The following ZC3HAV1 variants were observed in gnomAD, a reference collection of about 807,000 sequenced individuals.
ZC3HAV1 encodes the protein zinc finger CCCH-type antiviral protein 1.
Under a neutral mutation model 86.6 loss-of-function variants are expected in ZC3HAV1, and 41 were observed. The ratio of observed to expected loss-of-function variants is 0.47; its 90% CI spans 0.37 to 0.61. ZC3HAV1 has a LOEUF of 0.61. ZC3HAV1 is among the 20% of genes least tolerant of loss of function. ZC3HAV1 has a pLI of 0.00. For synonymous variants in ZC3HAV1, 421 were observed against 432.1 expected (o/e 0.97, Z 0.32); for missense variants, 964 against 1,141.1 (o/e 0.84, Z 2.24).
chr7:139,052,638 T>C (rs1306547916), intron 12 of ZC3HAV1, among the ~76,000 whole-genome samples: 2 of 143,262 alleles, frequency 1.4e-5, no homozygotes, highest in East Asian at 2.1e-4. Context: ...AAGAGTTGCA[T>C]GCATCCAGGA....
chr7:139,066,520 C>T (rs992072881), intron 7 of ZC3HAV1, among the ~76,000 whole-genome samples: 1 of 152,166 alleles, frequency 6.6e-6, no homozygotes, highest in Non-Finnish European at 1.5e-5. Flanking sequence ...GGGACAAGGA[C>T]GCTGACTTTA....
chr7:139,061,219 AT>A, intron 8 of ZC3HAV1, 81 bp from the exon 9 acceptor site: 1 of 1,351,962 alleles, frequency 7.4e-7, no homozygotes, highest in Non-Finnish European at 1.0e-6. Flanking sequence ...TGCAGAGGCT[AT>A]TTACACGGCA....
chr7:139,077,969 T>A (rs1327634154), intron 5 of ZC3HAV1, among the ~76,000 whole-genome samples: 1 of 152,206 alleles, frequency 6.6e-6, no homozygotes, highest in Non-Finnish European at 1.5e-5. Context: ...CTGGGCACAG[T>A]GGCTCATGCC....
chr7:139,060,299 TC>T (rs891167086), intron 9 of ZC3HAV1: 1 of 985,396 alleles, frequency 1.0e-6, no homozygotes, highest in African/African-American at 1.7e-5. Context: ...TTTTATGTAA[TC>T]ACACATCACC....
intron 3 of ZC3HAV1, among the ~76,000 whole-genome samples, chr7:139,083,468 C>T (rs1817185010): frequency 6.6e-6 from 1 of 152,078 alleles, no homozygotes; most frequent in Non-Finnish European, 1.5e-5. Flanking sequence ...GTGGCTCATG[C>T]TTGTAATCCC....
chr7:139,099,358 T>G (rs1817688805), intron 1 of ZC3HAV1, among the ~76,000 whole-genome samples: 1 of 152,212 alleles, frequency 6.6e-6, no homozygotes, highest in African/African-American at 2.4e-5. Context: ...AGATTTCTCC[T>G]AGATGAATAC....
rs1584829671 is a variant in ZC3HAV1, at chr7:139,044,799, A to T, written c.*2795T>A. 2.3e-5 allele frequency: 1 copy of T among 42,818 alleles called. No homozygotes were observed. Among genetic ancestry groups the T allele is most frequent in the Admixed American group, 1.6e-4 (1 of 6,234 alleles). 2.7% of individuals were successfully genotyped at this position (42,818 alleles called of 1,614,324 possible). On this transcript the variant is annotated 3_prime_UTR_variant, in exon 13 of 13. Coordinates refer to ENST00000242351, the MANE Select transcript of ZC3HAV1 (RefSeq NM_020119.4). ...TATGACCTATAGCTCGTCTGCAAGA[A>T]TATATCCTCATTTTCTCCACTTCGA... is the stretch of plus-strand genomic sequence containing the variant.
chr7:139,066,630 A>C (rs1355029690), intron 7 of ZC3HAV1, among the ~76,000 whole-genome samples: 2 of 152,208 alleles, frequency 1.3e-5, no homozygotes, highest in Non-Finnish European at 2.9e-5. Context: ...TGATTGTAAA[A>C]GAGCTTGCTG....
chr7:139,090,273 A>G lies in ZC3HAV1; in HGVS notation c.309-514T>C, dbSNP rs542867133. Among the ~76,000 whole-genome samples, 149 of 152,154 alleles carry G rather than the reference A, an allele frequency of 9.8e-4. 2 individuals carry two copies. Among genetic ancestry groups the G allele is most frequent in the Non-Finnish European group, 6.6e-4 (45 of 68,022 alleles). ...AATATTAACAGTAATTTTTCATATCATTGGCTTACACCTTTTCAAAAAACT... is the reference window on the plus strand; with the variant it reads ...AATATTAACAGTAATTTTTCATATCGTTGGCTTACACCTTTTCAAAAAACT... On this transcript the variant is annotated intron_variant, in intron 1 of 12. Coordinates refer to ENST00000242351, the MANE Select transcript of ZC3HAV1 (RefSeq NM_020119.4).
intron 7 of ZC3HAV1, among the ~76,000 whole-genome samples, chr7:139,066,394 A>G (rs139812577): frequency 6.6e-6 from 1 of 152,278 alleles, no homozygotes; most frequent in African/African-American, 2.4e-5. Flanking sequence ...GGGTCTCTTT[A>G]TCCTGGAGTG....
At chr7:139,080,314 C>G in intron 3 of ZC3HAV1, 71 bp from the exon 4 acceptor site, 1 of 1,560,656 alleles carries the variant, frequency 6.4e-7, no homozygotes, top group Non-Finnish European at 8.8e-7. Context: ...GTTCCTACCA[C>G]CCTTCCTCCT....
intron 1 of ZC3HAV1, among the ~76,000 whole-genome samples, chr7:139,100,096 C>G (rs895021823): frequency 1.3e-5 from 2 of 151,572 alleles, no homozygotes; most frequent in Non-Finnish European, 2.9e-5. Context: ...AAAACTGTTA[C>G]AAACAAAAAT....
At chr7:139,065,326 T>C (rs529446861) in intron 7 of ZC3HAV1, among the ~76,000 whole-genome samples, 2 of 152,240 alleles carry the variant, frequency 1.3e-5, no homozygotes, top group African/African-American at 4.8e-5. Context: ...TCTTTTCTGA[T>C]GCCACGCCGG....
At position 139,108,654 on chromosome 7, in the gene ZC3HAV1, C is replaced by T. The variant is rs1260729329; in HGVS notation, c.308+370G>A. On this transcript the variant is annotated intron_variant, in intron 1 of 12. Coordinates refer to ENST00000242351, the MANE Select transcript of ZC3HAV1 (RefSeq NM_020119.4). The surrounding 1 kb of genome is among the most constrained non-coding windows in gnomAD (Gnocchi z 4.2). ...GACTCAAGATACCAAAGACGGGAGG[C>T]TCTTTCCTTCCTTCCCAAACCTGCC... is the stretch of plus-strand genomic sequence containing the variant. Among the ~76,000 whole-genome samples the T allele has an allele frequency of 2.0e-5, 3 of 152,172 alleles. No homozygotes were observed. The highest frequency in any genetic ancestry group is 6.5e-5 in the Admixed American group (1 of 15,288).
chr7:139,083,412 T>C (rs1417180896), intron 3 of ZC3HAV1, among the ~76,000 whole-genome samples: 2 of 152,184 alleles, frequency 1.3e-5, no homozygotes, highest in Non-Finnish European at 2.9e-5. Context: ...TTTTCTTTCC[T>C]TGTGATTTCT....
intron 9 of ZC3HAV1, among the ~76,000 whole-genome samples, chr7:139,059,397 A>G (rs1244899836): frequency 6.6e-6 from 1 of 152,254 alleles, no homozygotes; most frequent in East Asian, 1.9e-4. Context: ...CAGGTGGATC[A>G]CCTGAGGTCA....
rs1407598279 is a variant in ZC3HAV1 at position 139,074,020 on chromosome 7, C to T, written c.1708G>A (p.Gly570Arg). The T allele has an allele frequency of 6.2e-7, 1 of 1,611,934 alleles. No homozygotes were observed. The highest frequency in any genetic ancestry group is 1.7e-5 in the Admixed American group (1 of 59,910). ...ACCCGAAAATTGATTGTATAACTTC[C>T]TACAGAACAGCTGAGAGAGAAAAGT... Reference protein sequence around the residue: ...CNPGIHLCSVGSYTINFRVMS... With the variant: ...CNPGIHLCSVRSYTINFRVMS... The change falls in exon 7 of 13, where the codon GGA becomes AGA. Residue 570 changes from glycine to arginine, a missense_variant. Coordinates refer to ENST00000242351, the MANE Select transcript of ZC3HAV1 (RefSeq NM_020119.4).
chr7:139,089,997 G>A (rs1817382712), intron 1 of ZC3HAV1, among the ~76,000 whole-genome samples: 1 of 151,944 alleles, frequency 6.6e-6, no homozygotes, highest in Non-Finnish European at 1.5e-5. Flanking sequence ...TCGGCTCACT[G>A]CAACCTCCAC....
chr7:139,080,165 T>C lies in ZC3HAV1; in HGVS notation c.776A>G (p.Glu259Gly). Residue 259 changes from glutamate (E) to glycine (G), a missense_variant, in exon 4 of 13, where the codon GAA becomes GGA. Coordinates refer to ENST00000242351, the MANE Select transcript of ZC3HAV1 (RefSeq NM_020119.4). ...SRDRFFQGSQ[E>G]FLASASASAE... ...AGACGCTGAAGCAGACGCAAGAAATTCTTGGCTGCCCTGAAAGAACCGATC... is the reference window on the plus strand; with the variant it reads ...AGACGCTGAAGCAGACGCAAGAAATCCTTGGCTGCCCTGAAAGAACCGATC... 6.2e-7 allele frequency: 1 copy of C among 1,614,144 alleles called. No homozygotes were observed. Among genetic ancestry groups the C allele is most frequent in the South Asian group, 1.1e-5 (1 of 91,082 alleles).
Sources: allele counts gnomAD v4.1 joint callset (sites outside exome capture counted in the v4.1 genomes callset), GRCh38; gene constraint gnomAD v4.1.1; non-coding constraint Gnocchi (gnomAD v3.1); transcripts MANE v1.5; gene names NCBI Gene and HGNC (gene_info 2026-07-23, HGNC 2026-07-21).